The following IPCEF1 variants were observed in gnomAD, a reference collection of about 807,000 sequenced individuals.
The protein encoded by IPCEF1 is interactor protein for cytohesin exchange factors 1.
In IPCEF1, 31 loss-of-function variants were observed where a neutral mutation model predicts 50.9. The observed-to-expected ratio is 0.61, with a 90% CI of 0.46 to 0.82. IPCEF1 has a LOEUF of 0.82. Among genes scored for constraint, IPCEF1 ranks in the 40% least tolerant of loss-of-function variants. The probability of loss-of-function intolerance (pLI) is 0.00; values close to 1 mark genes in which losing one functional copy is unlikely to be tolerated. For synonymous variants in IPCEF1, 181 were observed against 192.0 expected (o/e 0.94, Z 0.47); for missense variants, 458 against 514.0 (o/e 0.89, Z 1.05).
intron 10 of IPCEF1, among the ~76,000 whole-genome samples, chr6:154,193,433 A>G (rs184860791): frequency 1.3e-5 from 2 of 152,324 alleles, no homozygotes; most frequent in East Asian, 1.9e-4. Flanking sequence ...GCAAAATCTC[A>G]GAAATCACCA....
Position 154,250,775 on chromosome 6 carries a change from T to C in IPCEF1, c.37-3287A>G, listed in dbSNP as rs1781318445. On this transcript the variant is annotated intron_variant, in intron 3 of 11. Coordinates refer to ENST00000367220, the MANE Select transcript of IPCEF1 (RefSeq NM_001130700.2). ...TGCTCTGTCATTACATCAGACTTCA[T>C]AGTGATCCTAATCTTTAGCAAAAAC... Among the ~76,000 whole-genome samples the C allele has an allele frequency of 2.6e-5, 4 of 152,250 alleles. 1 individual carries two copies. Among genetic ancestry groups the C allele is most frequent in the African/African-American group, 9.6e-5 (4 of 41,468 alleles).
chr6:154,271,111 C>T (rs879913155), intron 2 of IPCEF1, among the ~76,000 whole-genome samples: 3 of 152,006 alleles, frequency 2.0e-5, no homozygotes, highest in East Asian at 3.9e-4. Context: ...GTAATCCCAG[C>T]ACTTTGGGAT....
chr6:154,340,024 C>G (rs942346440), intron 1 of IPCEF1, among the ~76,000 whole-genome samples: 1 of 152,074 alleles, frequency 6.6e-6, no homozygotes, highest in Non-Finnish European at 1.5e-5. Context: ...AAGATGGGTG[C>G]TCAACATATT....
chr6:154,289,530 G>A (rs1189137748), intron 2 of IPCEF1, among the ~76,000 whole-genome samples, 183 bp downstream of exon 2: 1 of 151,464 alleles, frequency 6.6e-6, no homozygotes, highest in Middle Eastern at 3.2e-3. Context: ...ATCTTCGGAG[G>A]ACCAAAGATA....
chr6:154,286,715 A>G (rs1782368923), intron 2 of IPCEF1, among the ~76,000 whole-genome samples: 1 of 152,228 alleles, frequency 6.6e-6, no homozygotes, highest in Admixed American at 6.5e-5. Flanking sequence ...TGACACCACA[A>G]TGTCAGTTTC....
chr6:154,194,253 G>T (rs945155251), intron 10 of IPCEF1, among the ~76,000 whole-genome samples: 3 of 152,194 alleles, frequency 2.0e-5, no homozygotes, highest in African/African-American at 4.8e-5. Context: ...TACAAAATTA[G>T]CCAGGCGTGG....
intron 5 of IPCEF1, among the ~76,000 whole-genome samples, chr6:154,236,138 G>A (rs1022952069): frequency 1.3e-5 from 2 of 152,092 alleles, no homozygotes; most frequent in Admixed American, 6.5e-5. Flanking sequence ...AGGTAGAAGC[G>A]ACCCAAGTGT....
intron 8 of IPCEF1, chr6:154,213,419 A>C (rs1778127506): frequency 6.5e-6 from 1 of 154,254 alleles, no homozygotes; most frequent in African/African-American, 2.4e-5. Context: ...ATCTATAAAT[A>C]GACAATGGGT....
intron 5 of IPCEF1, among the ~76,000 whole-genome samples, chr6:154,233,473 A>C (rs17292684): frequency 0.044 from 6,635 of 152,234 alleles, 203 homozygotes; most frequent in Middle Eastern, 0.065. Context: ...ATATAACTAG[A>C]TTTAGATCCA....
intron 1 of IPCEF1, among the ~76,000 whole-genome samples, chr6:154,290,319 G>A (rs999709904): frequency 3.3e-5 from 5 of 152,130 alleles, no homozygotes; most frequent in South Asian, 2.1e-4. Flanking sequence ...TTGCACATGC[G>A]GAAAGCCCAC....
rs116485439 is a variant in IPCEF1 at position 154,202,885 on chromosome 6, G to A, written c.538-2845C>T. The stretch of plus-strand genomic sequence containing the variant: ...GGAAAAAAAGAAATAGAAGAAACAC[G>A]AAGACTTGGAGAAGAGGAAAAGGAA... On this transcript the variant is annotated intron_variant, in intron 9 of 11. Transcript: ENST00000367220. Among the ~76,000 whole-genome samples the A allele has an allele frequency of 3.6e-3, 547 of 152,262 alleles. 3 individuals carry two copies. The highest frequency in any genetic ancestry group is 0.013 in the African/African-American group (522 of 41,556).
intron 1 of IPCEF1, among the ~76,000 whole-genome samples, chr6:154,343,317 G>C (rs931057091): frequency 3.3e-5 from 5 of 151,152 alleles, no homozygotes; most frequent in Admixed American, 6.7e-5. Flanking sequence ...GCTACAAAAG[G>C]GAAATAAGTG....
At chr6:154,227,747 A>G (rs751505110) in intron 5 of IPCEF1, among the ~76,000 whole-genome samples, 14 of 152,314 alleles carry the variant, frequency 9.2e-5, no homozygotes, top group Admixed American at 2.0e-4. Flanking sequence ...ATTAAATTTA[A>G]TCCATGTAAA....
intron 11 of IPCEF1, among the ~76,000 whole-genome samples, chr6:154,161,365 C>A (rs2128547494): frequency 6.6e-6 from 1 of 152,158 alleles, no homozygotes. Flanking sequence ...CATGCACCAC[C>A]ATGCCTGGCT....
At position 154,251,913 on chromosome 6, in the gene IPCEF1, G is replaced by A. The variant is rs572537991; in HGVS notation, c.37-4425C>T. Reference sequence around the variant, plus strand: ...GAAGAGCAAAGTTCCAGGGAAAATCGTGGAGTTTCTAGCTGAAACAATTGC... The same window carrying A: ...GAAGAGCAAAGTTCCAGGGAAAATCATGGAGTTTCTAGCTGAAACAATTGC... On this transcript the variant is annotated intron_variant, in intron 3 of 11. Coordinates refer to ENST00000367220, the MANE Select transcript of IPCEF1 (RefSeq NM_001130700.2). 6.6e-5 allele frequency among the ~76,000 whole-genome samples: 10 copies of A among 152,254 alleles called. No individual in the cohort carries two copies. In the East Asian group the frequency reaches 1.7e-3, roughly 27 times the overall value.
At position 154,221,335 on chromosome 6, in the gene IPCEF1, G is replaced by C. The variant is rs1479700554; in HGVS notation, c.321-7C>G. The C allele has an allele frequency of 2.5e-6, 4 of 1,612,850 alleles. No individual in the cohort carries two copies. On this transcript the variant is annotated splice_polypyrimidine_tract_variant and splice_region_variant and intron_variant, in intron 6 of 11. Coordinates refer to ENST00000367220, the MANE Select transcript of IPCEF1 (RefSeq NM_001130700.2). ...ATGGCTGATCTTAAAAGCACTTGAA[G>C]GAGGAAAAGCACAAACACATAAAAA...
At chr6:154,273,699 T>TCTGTGTC (rs1781956607) in intron 2 of IPCEF1, among the ~76,000 whole-genome samples, 1 of 97,800 alleles carries the variant, frequency 1.0e-5, no homozygotes. Flanking sequence ...TAAGCTTTTT[T>TCTGTGTC]CTTTTTTTCT....
At chr6:154,274,677 A>G (rs1009485306) in intron 2 of IPCEF1, among the ~76,000 whole-genome samples, 4 of 152,050 alleles carry the variant, frequency 2.6e-5, no homozygotes, top group Non-Finnish European at 4.4e-5. Context: ...TGAACCTGAA[A>G]CTTCTAAAAT....
intron 3 of IPCEF1, among the ~76,000 whole-genome samples, chr6:154,249,378 A>G (rs1394310939): frequency 2.0e-5 from 3 of 152,222 alleles, no homozygotes; most frequent in Non-Finnish European, 4.4e-5. Context: ...GCTAAATTTT[A>G]GCTGAGAGCC....
Sources: allele counts gnomAD v4.1 joint callset (sites outside exome capture counted in the v4.1 genomes callset), GRCh38; gene constraint gnomAD v4.1.1; transcripts MANE v1.5; gene names NCBI Gene and HGNC (gene_info 2026-07-23, HGNC 2026-07-21).